ABI3BP: variants seen among roughly 807,000 people sequenced by gnomAD.
ABI3BP encodes the protein target of Nesh-SH3.
ABI3BP carries 216 observed loss-of-function variants against 268.6 expected under a neutral mutation model. That is an observed-to-expected ratio of 0.80 (90% CI 0.72 to 0.90). ABI3BP has a LOEUF of 0.90. Ranked by LOEUF, ABI3BP falls within the 40% of genes least tolerant of loss-of-function variation. The pLI is 0.00. For missense variants in ABI3BP, 2,090 were observed against 2,182.4 expected, an observed-to-expected ratio of 0.96 and a Z score of 0.84; for synonymous variants, 730 against 730.0, an observed-to-expected ratio of 1.00 and a Z score of 0.00.
intron 46 of ABI3BP, 137 bp from the exon 47 acceptor site, chr3:100,811,936 G>T: frequency 1.5e-6 from 1 of 664,888 alleles, no homozygotes; most frequent in Non-Finnish European, 2.5e-6. Flanking sequence ...CATTTAGGTA[G>T]ATTATGAAGA....
chr3:100,798,375 T>A (rs2152281828), intron 51 of ABI3BP, among the ~76,000 whole-genome samples: 1 of 152,266 alleles, frequency 6.6e-6, no homozygotes, highest in African/African-American at 2.4e-5. Flanking sequence ...CTTGGTCAAC[T>A]ACAGCTCCAA....
chr3:100,863,817 A>G, intron 12 of ABI3BP, 185 bp downstream of exon 12: 1 of 554,548 alleles, frequency 1.8e-6, no homozygotes, highest in Non-Finnish European at 3.2e-6. Flanking sequence ...ATGACCACTT[A>G]AAAGAAAAAC....
intron 1 of ABI3BP, among the ~76,000 whole-genome samples, chr3:100,965,969 A>T (rs2153833866): frequency 6.6e-6 from 1 of 152,192 alleles, no homozygotes; most frequent in East Asian, 1.9e-4. Flanking sequence ...TTAAGGGAGG[A>T]CTTCAACCAA....
chr3:100,920,086 G>T (rs989310413), intron 2 of ABI3BP, among the ~76,000 whole-genome samples: 1 of 152,160 alleles, frequency 6.6e-6, no homozygotes, highest in Non-Finnish European at 1.5e-5. Context: ...AAACATACTT[G>T]GGTATGATAG....
At chr3:100,847,294 A>T (rs2098780666) in intron 19 of ABI3BP, among the ~76,000 whole-genome samples, 1 of 152,222 alleles carries the variant, frequency 6.6e-6, no homozygotes. Context: ...AAAAAATAAA[A>T]AAAAGAGAAC....
At chr3:100,791,069 G>T (rs576185790) in intron 55 of ABI3BP, among the ~76,000 whole-genome samples, 5 of 151,854 alleles carry the variant, frequency 3.3e-5, no homozygotes, top group African/African-American at 9.6e-5. Context: ...ACAATATATG[G>T]CCTTGAGGGT....
At chr3:100,885,425 G>C (rs2041520600) in intron 6 of ABI3BP, 111 bp downstream of exon 6, 1 of 550,704 alleles carries the variant, frequency 1.8e-6, no homozygotes, top group Non-Finnish European at 3.0e-6. Context: ...TTTCTCCACT[G>C]TTTCATAGCT....
chr3:100,909,408 C>T (rs2055169490), intron 2 of ABI3BP, among the ~76,000 whole-genome samples: 1 of 150,574 alleles, frequency 6.6e-6, no homozygotes, highest in Non-Finnish European at 1.5e-5. Context: ...CCAAAATAGT[C>T]AAATGGGATC....
chr3:100,878,789 G>GCTGTCTAGTTCTCACCTGC (rs139557650), intron 6 of ABI3BP, among the ~76,000 whole-genome samples: 59,661 of 151,940 alleles, frequency 0.39, 13,341 homozygotes, highest in Admixed American at 0.54. Flanking sequence ...CTCCACCTGT[G>GCTGTCTAGTTCTCACCTGC]CCTGCTCCAG....
chr3:100,783,169 T>TATTTATG (rs1474063240), intron 57 of ABI3BP, among the ~76,000 whole-genome samples: 1 of 152,210 alleles, frequency 6.6e-6, no homozygotes, highest in African/African-American at 2.4e-5. Context: ...TATTTATGGA[T>TATTTATG]GATTGGTTTC....
intron 4 of ABI3BP, among the ~76,000 whole-genome samples, chr3:100,894,950 AAAAAAAAAAAAAAAAAACAG>A (rs2153457398): frequency 9.0e-6 from 1 of 111,404 alleles, no homozygotes; most frequent in South Asian, 2.5e-4. Context: ...AAAAAAAAAA[AAAAAAAAAAAAAAAAAACAG>A]AAAAAAAAAA....
At chr3:100,813,782 T>G in intron 44 of ABI3BP, 47 bp from the exon 45 acceptor site, 1 of 1,451,870 alleles carries the variant, frequency 6.9e-7, no homozygotes, top group South Asian at 1.2e-5. Flanking sequence ...CAGTTATTTA[T>G]TTCATAGGTT....
At chr3:100,940,573 C>T (rs538082153) in intron 1 of ABI3BP, among the ~76,000 whole-genome samples, 13 of 150,976 alleles carry the variant, frequency 8.6e-5, no homozygotes, top group Non-Finnish European at 1.8e-4. Context: ...AACCAACCTA[C>T]CATTCCGACC....
chr3:100,816,289 G>T, intron 43 of ABI3BP: 1 of 445,680 alleles, frequency 2.2e-6, no homozygotes, highest in Non-Finnish European at 4.0e-6. Context: ...CGAAAATACA[G>T]AGAGAAATAT....
At position 100,869,330 on chromosome 3, in the gene ABI3BP, G is replaced by GTTTTTTTTTTTTTTTTTTTTTTTTTTTT. The variant is rs144604645; in HGVS notation, c.911-2375_911-2374insAAAAAAAAAAAAAAAAAAAAAAAAAAAA. Among the ~76,000 whole-genome samples, 30 of 49,760 alleles carry GTTTTTTTTTTTTTTTTTTTTTTTTTTTT rather than the reference G, an allele frequency of 6.0e-4. 7 individuals are homozygous for GTTTTTTTTTTTTTTTTTTTTTTTTTTTT. Among genetic ancestry groups the GTTTTTTTTTTTTTTTTTTTTTTTTTTTT allele is most frequent in the South Asian group, 1.2e-3 (1 of 812 alleles). The allele number at this position is 49,760 out of a possible 152,430, so 32.6% of individuals were successfully genotyped here. ...ATATTGTTTTTTCTTCTTCTTTTTG[G>GTTTTTTTTTTTTTTTTTTTTTTTTTTTT]TTTTTTTTTTTTTTTTTTTTTTTTT... On this transcript the variant is annotated intron_variant, in intron 9 of 67. Coordinates refer to ENST00000471714, the MANE Select transcript of ABI3BP (RefSeq NM_001375547.2).
chr3:100,886,418 G>C, intron 4 of ABI3BP, 95 bp from the exon 5 acceptor site: 1 of 931,230 alleles, frequency 1.1e-6, no homozygotes, highest in Non-Finnish European at 1.5e-6. Flanking sequence ...CAACCAACTT[G>C]GGATACTATT....
At chr3:100,917,402 A>T (rs1159527081) in intron 2 of ABI3BP, among the ~76,000 whole-genome samples, 2 of 152,206 alleles carry the variant, frequency 1.3e-5, no homozygotes, top group Non-Finnish European at 1.5e-5. Flanking sequence ...TATATGGATA[A>T]TCAGGAAAGT....
At position 100,787,930 on chromosome 3, in the gene ABI3BP, C is replaced by T. The variant is rs1244050512; in HGVS notation, c.4088-128G>A. The stretch of plus-strand genomic sequence containing the variant: ...AAGATGACTTACCAAAAATATTATT[C>T]AGAATATAGAAACCACAGTCTCGTA... On this transcript the variant is annotated intron_variant, in intron 56 of 67. Transcript: ENST00000471714. 7.2e-6 allele frequency: 4 copies of T among 553,180 alleles called. No individual in the cohort carries two copies. The South Asian group carries it at 1.2e-4, about 17-fold the overall frequency. 34.3% of individuals were successfully genotyped at this position (553,180 alleles called of 1,614,324 possible).
At chr3:100,896,806 G>C (rs1311231929) in intron 4 of ABI3BP, among the ~76,000 whole-genome samples, 1 of 151,928 alleles carries the variant, frequency 6.6e-6, no homozygotes, top group Non-Finnish European at 1.5e-5. Flanking sequence ...ATTAGTGGTG[G>C]GTGAAATAAA....
Sources: allele counts gnomAD v4.1 joint callset (sites outside exome capture counted in the v4.1 genomes callset), GRCh38; gene constraint gnomAD v4.1.1; transcripts MANE v1.5; gene names NCBI Gene and HGNC (gene_info 2026-07-23, HGNC 2026-07-21).